The following C6orf141 variants were observed in gnomAD, a reference collection of about 807,000 sequenced individuals.
C6orf141 encodes the protein uncharacterized protein C6orf141.
For synonymous variants in C6orf141, 164 were observed against 140.5 expected, an observed-to-expected ratio of 1.17 and a Z score of -1.18; for missense variants, 361 against 335.8, an observed-to-expected ratio of 1.07 and a Z score of -0.59.
chr6:49,558,738 T>C (rs2170229), intron 4 of C6orf141, among the ~76,000 whole-genome samples: 84,489 of 151,396 alleles, frequency 0.56, 23,813 homozygotes, highest in Middle Eastern at 0.69. Flanking sequence ...GATGGAGTCT[T>C]GCTCTGTTGC....
At chr6:49,557,116 ATGG>A (rs1302221687) in intron 4 of C6orf141, among the ~76,000 whole-genome samples, 2 of 152,068 alleles carry the variant, frequency 1.3e-5, no homozygotes, top group Non-Finnish European at 2.9e-5. Context: ...AGCCGAGGTG[ATGG>A]TGCATGCCCA....
intron 4 of C6orf141, among the ~76,000 whole-genome samples, chr6:49,559,824 G>A (rs570365760): frequency 5.3e-5 from 8 of 152,196 alleles, no homozygotes; most frequent in African/African-American, 1.7e-4. Context: ...GGAGAACTTC[G>A]GAATGCAGTC....
chr6:49,550,691 G>A lies in C6orf141; in HGVS notation c.-102G>A. The A allele has an allele frequency of 9.5e-7, 1 of 1,054,418 alleles. No individual in the cohort carries two copies. The highest frequency in any genetic ancestry group is 1.3e-6 in the Non-Finnish European group (1 of 759,968). The allele number at this position is 1,054,418 out of a possible 1,614,324, so 65.3% of individuals were successfully genotyped here. A position where few individuals can be genotyped will look rare whatever the true frequency, so the allele number is the denominator to read the frequency against. ...CTAGTCTTCAGCTTTCACCGGCTGGGAGTCCGGAGCTGCAGCAGAGGCCAC... is the reference window on the plus strand; with the variant it reads ...CTAGTCTTCAGCTTTCACCGGCTGGAAGTCCGGAGCTGCAGCAGAGGCCAC... On this transcript the variant is annotated 5_prime_UTR_variant, in exon 1 of 1. Transcript: ENST00000529246.
chr6:49,555,683 T>C (rs759310002), downstream of C6orf141, among the ~76,000 whole-genome samples: 6 of 152,176 alleles, frequency 3.9e-5, no homozygotes, highest in Non-Finnish European at 5.9e-5. Flanking sequence ...TAATTTTTTG[T>C]ATTTTTAGGA....
At position 49,558,419 on chromosome 6, in the gene C6orf141, A is replaced by AGAG. The variant is rs1174058912; in HGVS notation, c.*763+3262_*763+3263insGAG. Reference sequence around the variant, plus strand: ...CCCTGAGTTGGAAAAAAAAAAAAAAAAGAGAGAGAGAGAGAGAAGCTGGCA... The same window carrying AGAG: ...CCCTGAGTTGGAAAAAAAAAAAAAAAGAGAGAGAGAGAGAGAGAGAAGCTGGCA... On this transcript the variant is annotated intron_variant and NMD_transcript_variant, in intron 4 of 4. Transcript: ENST00000371194. Among the ~76,000 whole-genome samples, 8 of 145,230 alleles carry AGAG rather than the reference A, an allele frequency of 5.5e-5. No homozygotes were observed. In the East Asian group the frequency reaches 6.1e-4, roughly 11 times the overall value.
intron 4 of C6orf141, among the ~76,000 whole-genome samples, chr6:49,557,127 C>A (rs1772102984): frequency 6.6e-6 from 1 of 152,034 alleles, no homozygotes; most frequent in Non-Finnish European, 1.5e-5. Context: ...TGGTGCATGC[C>A]CATAATCCCA....
In C6orf141 at chr6:49,550,695, C is replaced by G. The variant is rs1352296726; in HGVS notation, c.-98C>G. On this transcript the variant is annotated 5_prime_UTR_variant, in exon 1 of 1. Coordinates refer to ENST00000529246, the MANE Select transcript of C6orf141 (RefSeq NM_001145652.2). Reference sequence around the variant, plus strand: ...TCTTCAGCTTTCACCGGCTGGGAGTCCGGAGCTGCAGCAGAGGCCACACCC... The same window carrying G: ...TCTTCAGCTTTCACCGGCTGGGAGTGCGGAGCTGCAGCAGAGGCCACACCC... 9.1e-7 allele frequency: 1 copy of G among 1,096,816 alleles called. No individual in the cohort carries two copies. Among genetic ancestry groups the G allele is most frequent in the Admixed American group, 3.5e-5 (1 of 28,858 alleles). The allele number at this position is 1,096,816 out of a possible 1,614,324, so 67.9% of individuals were successfully genotyped here.
downstream of C6orf141, among the ~76,000 whole-genome samples, chr6:49,555,790 G>T (rs915958435): frequency 6.6e-6 from 1 of 152,116 alleles, no homozygotes; most frequent in South Asian, 2.1e-4. Context: ...TTACAGGCGT[G>T]AGCCACCGCG....
At chr6:49,553,190 A>G (rs1771037692), downstream of C6orf141, 3 of 152,334 alleles carry the variant, frequency 2.0e-5, no homozygotes, top group South Asian at 6.2e-4. Flanking sequence ...TCCGCCTCCC[A>G]AAGTGCTGGG....
At chr6:49,559,162 G>T in intron 4 of C6orf141, among the ~76,000 whole-genome samples, 1 of 73,866 alleles carries the variant, frequency 1.4e-5, no homozygotes, top group South Asian at 5.0e-4. Flanking sequence ...TCTGGTCATT[G>T]TCCATATATA....
chr6:49,551,781 G>T lies in C6orf141; in HGVS notation c.*254G>T. The T allele has an allele frequency of 7.4e-7, 1 of 1,342,490 alleles. No individual in the cohort carries two copies. The highest frequency in any genetic ancestry group is 3.3e-5 in the East Asian group (1 of 30,710). 83.2% of individuals were successfully genotyped at this position (1,342,490 alleles called of 1,614,324 possible). Reference sequence around the variant, plus strand: ...AGATATTTTCAGATTGGCAGAATGTGGGAGTTTTGAAATGAGAAAACCTGT... The same window carrying T: ...AGATATTTTCAGATTGGCAGAATGTTGGAGTTTTGAAATGAGAAAACCTGT... On this transcript the variant is annotated 3_prime_UTR_variant, in exon 1 of 1. Transcript: ENST00000529246.
At chr6:49,561,320 A>G (rs1000340886) in intron 4 of C6orf141, among the ~76,000 whole-genome samples, 24 of 152,246 alleles carry the variant, frequency 1.6e-4, no homozygotes, top group South Asian at 4.2e-4. Flanking sequence ...GCTGGTCTCA[A>G]ACTCCTGACC....
At chr6:49,558,208 T>C (rs536322714) in intron 4 of C6orf141, among the ~76,000 whole-genome samples, 1 of 151,972 alleles carries the variant, frequency 6.6e-6, no homozygotes, top group East Asian at 1.9e-4. Flanking sequence ...CGGCCTCTAA[T>C]GCAATAGTCT....
Position 49,551,093 on chromosome 6 carries a change from A to T in C6orf141, c.301A>T (p.Thr101Ser). ...CCTGCACCCAGAGAGGTGGTTAGGG[A>T]CTCGAGGGGACCCTGCACGGGAAGA... ...FLLHPERWLG[T>S]RGDPAREEVA... The change falls in exon 1 of 1, where the codon ACT (threonine) becomes TCT (serine). Residue 101 changes from threonine (T) to serine (S), a missense_variant. Transcript: ENST00000529246. 6.4e-7 allele frequency: 1 copy of T among 1,551,376 alleles called. No individual in the cohort carries two copies. Among genetic ancestry groups the T allele is most frequent in the Non-Finnish European group, 8.7e-7 (1 of 1,146,932 alleles).
At chr6:49,555,808 C>T (rs1005537851), downstream of C6orf141, among the ~76,000 whole-genome samples, 2 of 151,730 alleles carry the variant, frequency 1.3e-5, no homozygotes, top group African/African-American at 4.8e-5. Context: ...GCGCACCTGG[C>T]GTGCCCAGGC....
chr6:49,551,759 T>C lies in C6orf141; in HGVS notation c.*232T>C. 7.3e-7 allele frequency: 1 copy of C among 1,378,154 alleles called. No homozygotes were observed. Among genetic ancestry groups the C allele is most frequent in the South Asian group, 1.8e-5 (1 of 55,250 alleles). The allele number at this position is 1,378,154 out of a possible 1,614,324, so 85.4% of individuals were successfully genotyped here. A position where few individuals can be genotyped will look rare whatever the true frequency, so the allele number is the denominator to read the frequency against. On this transcript the variant is annotated 3_prime_UTR_variant, in exon 1 of 1. Transcript: ENST00000529246. ...TCATTCAGAAGAGGTGGAGAAAAGATATTTTCAGATTGGCAGAATGTGGGA... is the reference window on the plus strand; with the variant it reads ...TCATTCAGAAGAGGTGGAGAAAAGACATTTTCAGATTGGCAGAATGTGGGA...
intron 4 of C6orf141, among the ~76,000 whole-genome samples, chr6:49,559,926 C>T (rs1232039551): frequency 6.6e-6 from 1 of 152,162 alleles, no homozygotes; most frequent in East Asian, 1.9e-4. Flanking sequence ...CAATGTTATC[C>T]CAGGCTCCTG....
rs1402912916 is a variant in C6orf141 at position 49,551,507 on chromosome 6, C to G, written c.715C>G (p.Leu239Val). ...RRVSPSPGTW[L>V]EEIKL ...GGTTTCACCGTCTCCAGGGACTTGGCTCGAGGAAATTAAACTCTAATGAGT... is the reference window on the plus strand; with the variant it reads ...GGTTTCACCGTCTCCAGGGACTTGGGTCGAGGAAATTAAACTCTAATGAGT... The change falls in exon 1 of 1, where the codon CTC (leucine) becomes GTC (valine). Residue 239 changes from leucine to valine, a missense_variant. Transcript: ENST00000529246. 6.4e-7 allele frequency: 1 copy of G among 1,551,220 alleles called. No homozygotes were observed. The highest frequency in any genetic ancestry group is 1.2e-5 in the South Asian group (1 of 84,054).
In C6orf141 at chr6:49,551,864, C is replaced by G. The variant is rs901002725; in HGVS notation, c.*337C>G. 4.3e-6 allele frequency: 5 copies of G among 1,150,302 alleles called. No individual in the cohort carries two copies. Among genetic ancestry groups the G allele is most frequent in the Non-Finnish European group, 5.4e-6 (5 of 923,188 alleles). The allele number at this position is 1,150,302 out of a possible 1,614,324, so 71.3% of individuals were successfully genotyped here. On this transcript the variant is annotated 3_prime_UTR_variant, in exon 1 of 1. Coordinates refer to ENST00000529246, the MANE Select transcript of C6orf141 (RefSeq NM_001145652.2). ...GATCTCTTTTCTGTTCCCCGCCCCC[C>G]TCTTGTTTCTCTTTAGGACCTAGAA...
Sources: allele counts gnomAD v4.1 joint callset (sites outside exome capture counted in the v4.1 genomes callset), GRCh38; gene constraint gnomAD v4.1.1; transcripts MANE v1.5; gene names NCBI Gene and HGNC (gene_info 2026-07-23, HGNC 2026-07-21).